URI1: variants seen among roughly 807,000 people sequenced by gnomAD.
URI1 encodes the protein URI1 prefoldin like chaperone, also known as unconventional prefoldin RPB5 interactor 1.
Under a neutral mutation model 60.2 loss-of-function variants are expected in URI1, and 39 were observed. That is an observed-to-expected ratio of 0.65 (90% CI 0.50 to 0.85). The LOEUF is 0.85. URI1 is among the 40% of genes least tolerant of loss of function. The pLI is 0.00. For synonymous variants in URI1, 251 were observed against 236.8 expected (o/e 1.06, Z -0.55); for missense variants, 691 against 665.9 (o/e 1.04, Z -0.42).
upstream of URI1, among the ~76,000 whole-genome samples, chr19:29,940,216 C>T (rs1383398683): frequency 2.0e-5 from 3 of 151,924 alleles, no homozygotes; most frequent in African/African-American, 7.3e-5. Flanking sequence ...CTGCTGACCA[C>T]AGATCGCACT....
At chr19:30,011,033 T>C in intron 8 of URI1, 61 bp from the exon 9 acceptor site, 1 of 1,549,422 alleles carries the variant, frequency 6.5e-7, no homozygotes, top group Non-Finnish European at 8.7e-7. Flanking sequence ...GTTTATTTGT[T>C]TTGGTTTCAC....
intron 4 of URI1, among the ~76,000 whole-genome samples, chr19:29,994,098 G>C (rs1286108838): frequency 6.6e-6 from 1 of 151,792 alleles, no homozygotes; most frequent in Non-Finnish European, 1.5e-5. Context: ...ATTTGTACTT[G>C]TGTGTATCTG....
At chr19:30,011,862 C>T (rs1454152095) in intron 9 of URI1, among the ~76,000 whole-genome samples, 2 of 136,126 alleles carry the variant, frequency 1.5e-5, no homozygotes, top group Non-Finnish European at 3.0e-5. Context: ...AACACTTGGA[C>T]ACAGGGTGGG....
chr19:29,974,311 A>G (rs976705915), intron 2 of URI1, among the ~76,000 whole-genome samples: 5 of 152,192 alleles, frequency 3.3e-5, no homozygotes, highest in African/African-American at 1.2e-4. Flanking sequence ...AATAAAAAAA[A>G]AAGCCAGTGC....
intron 2 of URI1, among the ~76,000 whole-genome samples, chr19:29,977,845 T>A (rs1180654745): frequency 6.6e-6 from 1 of 151,960 alleles, no homozygotes; most frequent in Non-Finnish European, 1.5e-5. Context: ...GTTTAAAGAA[T>A]TTTTTTTAAA....
intron 1 of URI1, among the ~76,000 whole-genome samples, chr19:29,943,120 A>AT (rs57289154): frequency 0.012 from 1,769 of 152,048 alleles, 41 homozygotes; most frequent in African/African-American, 0.041. Flanking sequence ...CCATTTAAAC[A>AT]TTAAAAAAAA....
At chr19:29,965,307 G>C (rs2055378869) in intron 1 of URI1, among the ~76,000 whole-genome samples, 1 of 152,124 alleles carries the variant, frequency 6.6e-6, no homozygotes, top group African/African-American at 2.4e-5. Flanking sequence ...TATGGGAGAA[G>C]GGCAGGGTTT....
chr19:29,966,045 G>A (rs1385914031), intron 1 of URI1, among the ~76,000 whole-genome samples: 1 of 152,186 alleles, frequency 6.6e-6, no homozygotes, highest in Non-Finnish European at 1.5e-5. Flanking sequence ...CATATAATTG[G>A]ACTTAGCTTT....
At chr19:29,967,172 A>G (rs1394373017) in intron 1 of URI1, among the ~76,000 whole-genome samples, 2 of 152,240 alleles carry the variant, frequency 1.3e-5, no homozygotes, top group African/African-American at 2.4e-5. Context: ...ACAACAGCTA[A>G]GAAATTATTA....
At chr19:29,960,675 G>C (rs1251941168) in intron 1 of URI1, among the ~76,000 whole-genome samples, 2 of 152,066 alleles carry the variant, frequency 1.3e-5, no homozygotes, top group Admixed American at 6.5e-5. Context: ...CTTATAAACA[G>C]CATATTGTTG....
intron 10 of URI1, 51 bp downstream of exon 10, chr19:30,012,582 G>A (rs746627645): frequency 1.9e-6 from 3 of 1,566,676 alleles, no homozygotes; most frequent in Non-Finnish European, 2.6e-6. Context: ...TCTTTGACCA[G>A]TTTTAGCTAT....
intron 4 of URI1, among the ~76,000 whole-genome samples, chr19:30,000,791 G>T (rs1413138590): frequency 6.6e-6 from 1 of 151,846 alleles, no homozygotes; most frequent in Non-Finnish European, 1.5e-5. Flanking sequence ...TGCTTAGTAG[G>T]CCTTTTTTGA....
At chr19:29,966,592 A>G (rs1229146968) in intron 1 of URI1, among the ~76,000 whole-genome samples, 3 of 152,228 alleles carry the variant, frequency 2.0e-5, no homozygotes, top group African/African-American at 7.2e-5. Flanking sequence ...TTGAAAGTAC[A>G]CTATTTGTAT....
At chr19:29,951,205 C>A (rs1160281439) in intron 1 of URI1, among the ~76,000 whole-genome samples, 1 of 152,104 alleles carries the variant, frequency 6.6e-6, no homozygotes, top group South Asian at 2.1e-4. Context: ...TGTTGCTAAC[C>A]ACTTGTTTAA....
intron 4 of URI1, among the ~76,000 whole-genome samples, chr19:30,001,826 G>T (rs1314620533): frequency 6.6e-6 from 1 of 151,870 alleles, no homozygotes; most frequent in East Asian, 1.9e-4. Context: ...GTCTTTATGG[G>T]TTTATGCCTT....
intron 1 of URI1, among the ~76,000 whole-genome samples, chr19:29,927,472 G>A (rs1353891532): frequency 4.0e-5 from 6 of 150,248 alleles, no homozygotes; most frequent in Non-Finnish European, 7.4e-5. Context: ...ATATTGGCCA[G>A]GCTGGTTTTG....
chr19:30,015,211 T>C lies in URI1; in HGVS notation c.*142T>C. The stretch of plus-strand genomic sequence containing the variant: ...CAACAAGTTCTTTTACCCTTACCCG[T>C]GGTATTTGAAAAAAATCAAGGTAAC... On this transcript the variant is annotated 3_prime_UTR_variant, in exon 11 of 11. Transcript: ENST00000392271. 1.4e-6 allele frequency: 2 copies of C among 1,425,320 alleles called. No homozygotes were observed. The highest frequency in any genetic ancestry group is 2.4e-4 in the Middle Eastern group (1 of 4,144). 88.3% of individuals were successfully genotyped at this position (1,425,320 alleles called of 1,614,324 possible).
intron 4 of URI1, 39 bp from the exon 5 acceptor site, chr19:30,005,322 A>G (rs1274781187): frequency 1.7e-6 from 2 of 1,206,754 alleles, no homozygotes; most frequent in South Asian, 1.4e-5. Flanking sequence ...GGTCGTATAT[A>G]TGCCATGCTT....
chr19:29,951,269 A>C (rs965335609), intron 1 of URI1, among the ~76,000 whole-genome samples: 4 of 152,232 alleles, frequency 2.6e-5, no homozygotes, highest in South Asian at 2.1e-4. Flanking sequence ...GTACTTGAAG[A>C]CAGTGTAAAT....
Sources: gnomAD v4.1 joint callset for allele counts (sites outside exome capture counted in the v4.1 genomes callset) on GRCh38, gnomAD v4.1.1 for gene constraint, MANE v1.5 for transcripts, NCBI Gene and HGNC (gene_info 2026-07-23, HGNC 2026-07-21) for gene names.